Variants in ERC1 observed in about 807,000 individuals in gnomAD.
ERC1 encodes the protein RAB6 interacting protein 2.
In ERC1, 56 loss-of-function variants were observed where a neutral mutation model predicts 132.0. The ratio of observed to expected loss-of-function variants is 0.42; its 90% CI spans 0.34 to 0.53. ERC1 has a LOEUF of 0.53. Ranked by LOEUF, ERC1 falls within the 20% of genes least tolerant of loss-of-function variation. The pLI is 0.03. For missense variants in ERC1, 1,202 were observed against 1,349.9 expected (o/e 0.89, Z 1.72); for synonymous variants, 478 against 476.1 (o/e 1.00, Z -0.05).
At position 1,483,857 on chromosome 12, in the gene ERC1, AT is replaced by A. The variant is rs540267905; in HGVS notation, c.3214-6228del. Among the ~76,000 whole-genome samples, 61 of 150,962 alleles carry A rather than the reference AT, an allele frequency of 4.0e-4. 1 individual carries two copies. Among genetic ancestry groups the A allele is most frequent in the African/African-American group, 1.4e-3 (57 of 41,288 alleles). ...AGGCACTCACCACCACATGTGACCG[AT>A]TTTTTTTGTATGTTTAGTAGAGACG... On this transcript the variant is annotated intron_variant, in intron 18 of 18. Transcript: ENST00000360905.
intron 3 of ERC1, among the ~76,000 whole-genome samples, chr12:1,084,664 C>T (rs1179662748): frequency 9.3e-6 from 1 of 107,658 alleles, no homozygotes. Context: ...GTATATGCTT[C>T]CAGTCATTTT....
At chr12:1,235,710 T>A (rs1323646573) in intron 12 of ERC1, among the ~76,000 whole-genome samples, 1 of 152,178 alleles carries the variant, frequency 6.6e-6, no homozygotes, top group Non-Finnish European at 1.5e-5. Flanking sequence ...AGAGGTATAA[T>A]GGCCAACAGT....
chr12:1,076,237 G>C (rs962832614), intron 2 of ERC1, among the ~76,000 whole-genome samples: 2 of 152,094 alleles, frequency 1.3e-5, no homozygotes, highest in Non-Finnish European at 2.9e-5. Flanking sequence ...GTTGACTGTT[G>C]ATTATCTGAA....
Position 1,289,974 on chromosome 12 carries a change from A to G in ERC1, c.2742A>G (p.Ala914=). 3 of 1,614,150 alleles carry G rather than the reference A, an allele frequency of 1.9e-6. No individual in the cohort carries two copies. Among genetic ancestry groups the G allele is most frequent in the Non-Finnish European group, 2.5e-6 (3 of 1,179,966 alleles). The change falls in exon 15 of 19, where the codon GCA becomes GCG. Residue 914 remains alanine (A), a synonymous_variant. Coordinates refer to ENST00000360905, the MANE Select transcript of ERC1 (RefSeq NM_178040.4). ...EKETHLTNLR[A]ERRKHLEEVL... ...AAACTCACTTGACTAATCTTCGGGC[A>G]GAGAGAAGGAAACACTTAGAGGAAG...
intron 15 of ERC1, among the ~76,000 whole-genome samples, chr12:1,297,101 A>G (rs1418485285): frequency 6.6e-6 from 1 of 152,052 alleles, no homozygotes; most frequent in South Asian, 2.1e-4. Context: ...AAAGCAGCCT[A>G]AGAAAAAAGG....
intron 14 of ERC1, among the ~76,000 whole-genome samples, chr12:1,276,358 C>A (rs1158946637): frequency 6.6e-6 from 1 of 152,032 alleles, no homozygotes; most frequent in African/African-American, 2.4e-5. Context: ...CTGCCTCAGC[C>A]TCCCAAGTAG....
chr12:1,094,587 T>A (rs1459963462), intron 3 of ERC1, among the ~76,000 whole-genome samples: 1 of 152,052 alleles, frequency 6.6e-6, no homozygotes, highest in Admixed American at 6.5e-5. Flanking sequence ...AATTTTGTAT[T>A]TTTAGTAGAA....
intron 17 of ERC1, among the ~76,000 whole-genome samples, chr12:1,437,713 A>G (rs967758822): frequency 3.3e-5 from 5 of 152,204 alleles, no homozygotes; most frequent in African/African-American, 1.2e-4. Context: ...AGCTTTGAGG[A>G]CATAATGTTT....
At chr12:1,228,468 G>A (rs1282082823) in intron 12 of ERC1, among the ~76,000 whole-genome samples, 2 of 152,046 alleles carry the variant, frequency 1.3e-5, no homozygotes, top group Non-Finnish European at 1.5e-5. Flanking sequence ...CTATGTATGA[G>A]GTCATGTCAT....
chr12:1,487,379 T>TC (rs2154434095), intron 18 of ERC1, among the ~76,000 whole-genome samples: 1 of 117,454 alleles, frequency 8.5e-6, no homozygotes, highest in Admixed American at 8.1e-5. Flanking sequence ...TAGATTTTTT[T>TC]TTTTTTTTTT....
rs139035931 is a variant in ERC1 at position 1,189,859 on chromosome 12, G to A, written c.2158G>A (p.Ala720Thr). The A allele has an allele frequency of 5.1e-5, 81 of 1,594,528 alleles. No individual in the cohort carries two copies. The African/African-American group carries it at 7.7e-4, about 15-fold the overall frequency. Residue 720 changes from alanine to threonine, a missense_variant and splice_region_variant, in exon 12 of 19, where the codon GCA becomes ACA. Coordinates refer to ENST00000360905, the MANE Select transcript of ERC1 (RefSeq NM_178040.4). ...AGGATTGAAATGCTTTTCTTTGTAG[G>A]CACATGAGGCAGCATTGGAAGCCAG... ...CLKMESQLKKAHEAALEARAS... is the reference protein window; with the variant it reads ...CLKMESQLKKTHEAALEARAS...
chr12:1,126,742 C>A (rs1017270815), intron 7 of ERC1, among the ~76,000 whole-genome samples: 1 of 152,006 alleles, frequency 6.6e-6, no homozygotes, highest in Non-Finnish European at 1.5e-5. Context: ...GTAATCCCAG[C>A]CCTTTGGGAG....
chr12:1,061,637 A>C (rs1317022808), intron 2 of ERC1, among the ~76,000 whole-genome samples: 1 of 151,986 alleles, frequency 6.6e-6, no homozygotes, highest in Admixed American at 6.6e-5. Context: ...AACAATCCCC[A>C]AAACAAGTTC....
intron 13 of ERC1, among the ~76,000 whole-genome samples, chr12:1,247,958 T>C (rs2076255913): frequency 6.6e-6 from 1 of 152,120 alleles, no homozygotes; most frequent in Non-Finnish European, 1.5e-5. Flanking sequence ...ATCATGCAAC[T>C]GCACTCTAGC....
intron 17 of ERC1, among the ~76,000 whole-genome samples, chr12:1,415,806 C>T (rs571148359): frequency 3.6e-4 from 55 of 152,322 alleles, no homozygotes; most frequent in African/African-American, 1.3e-3. Flanking sequence ...TAGCAAGAAA[C>T]TTCTTTCCTG....
intron 17 of ERC1, among the ~76,000 whole-genome samples, chr12:1,423,771 C>T (rs1250275463): frequency 6.6e-6 from 1 of 152,142 alleles, no homozygotes; most frequent in Non-Finnish European, 1.5e-5. Flanking sequence ...TGTTTGCAGA[C>T]TCATTTATGA....
At chr12:1,215,919 G>C (rs955899258) in intron 12 of ERC1, among the ~76,000 whole-genome samples, 1 of 152,088 alleles carries the variant, frequency 6.6e-6, no homozygotes, top group South Asian at 2.1e-4. Flanking sequence ...AAAAGTGTGG[G>C]AATATAAACA....
chr12:1,116,225 A>G, intron 7 of ERC1, 192 bp downstream of exon 7: 1 of 466,854 alleles, frequency 2.1e-6, no homozygotes, highest in Non-Finnish European at 3.7e-6. Context: ...CTAACAAGTT[A>G]AAACAGGTGC....
At chr12:1,045,757 TATTC>T (rs1230195905) in intron 2 of ERC1, among the ~76,000 whole-genome samples, 1 of 152,140 alleles carries the variant, frequency 6.6e-6, no homozygotes, top group Non-Finnish European at 1.5e-5. Flanking sequence ...GAAAAATTAA[TATTC>T]AGTCATTTAT....
Sources: gnomAD v4.1 joint callset for allele counts (sites outside exome capture counted in the v4.1 genomes callset) on GRCh38, gnomAD v4.1.1 for gene constraint, MANE v1.5 for transcripts, NCBI Gene and HGNC (gene_info 2026-07-23, HGNC 2026-07-21) for gene names.